The following RP1 variants were observed in gnomAD, a reference collection of about 807,000 sequenced individuals.
The protein encoded by RP1 is oxygen-regulated protein 1.
A neutral mutation model predicts 14.8 loss-of-function variants in RP1; 16 were observed. The ratio of observed to expected loss-of-function variants is 1.08; its 90% CI spans 0.73 to 1.65. The LOEUF is 1.65. RP1 is among the 40% of genes most tolerant of loss of function. The probability of loss-of-function intolerance (pLI) is 0.00; values close to 1 mark genes in which losing one functional copy is unlikely to be tolerated. For synonymous variants in RP1, 876 were observed against 883.6 expected (o/e 0.99, Z 0.15); for missense variants, 2,631 against 2,535.0 (o/e 1.04, Z -0.81).
intron 12 of RP1, chr8:54,696,493 G>C: frequency 1.1e-6 from 1 of 896,334 alleles, no homozygotes; most frequent in South Asian, 1.4e-5. Context: ...CCCAGGCAAA[G>C]CAGGCACTTT....
intron 28 of RP1, among the ~76,000 whole-genome samples, chr8:54,867,783 G>A (rs1200538526): frequency 1.3e-5 from 2 of 152,018 alleles, no homozygotes; most frequent in Non-Finnish European, 2.9e-5. Context: ...TTTAAATATT[G>A]TATCTGCACA....
intron 8 of RP1, among the ~76,000 whole-genome samples, chr8:54,677,310 A>G (rs952097846): frequency 8.5e-5 from 13 of 152,096 alleles, no homozygotes; most frequent in African/African-American, 2.2e-4. Flanking sequence ...ATGCAGATGC[A>G]TGCTAAGTTT....
chr8:54,687,721 T>C (rs1807602361), intron 12 of RP1, among the ~76,000 whole-genome samples: 1 of 152,168 alleles, frequency 6.6e-6, no homozygotes, highest in African/African-American at 2.4e-5. Flanking sequence ...TGATGGGCAT[T>C]TGTGTCGGTT....
Position 54,622,047 on chromosome 8 carries a change from G to C in RP1, c.616-70G>C, listed in dbSNP as rs1805894910. 11 of 1,517,144 alleles carry C rather than the reference G, an allele frequency of 7.3e-6. No individual in the cohort carries two copies. In the South Asian group the frequency reaches 1.3e-4, roughly 17 times the overall value. The allele number at this position is 1,517,144 out of a possible 1,614,324, so 94.0% of individuals were successfully genotyped here. On this transcript the variant is annotated intron_variant, in intron 2 of 3. Coordinates refer to ENST00000220676, the MANE Select transcript of RP1 (RefSeq NM_006269.2). ...CTAGGAGGTTGTTGATTTGATTCAA[G>C]CAAAGTTATAAAATTACCACTTAGT...
At chr8:54,604,023 C>T (rs1416280410) in intron 1 of RP1, among the ~76,000 whole-genome samples, 1 of 152,152 alleles carries the variant, frequency 6.6e-6, no homozygotes, top group African/African-American at 2.4e-5. Context: ...CTTGAACACC[C>T]TTTATTTCCT....
chr8:54,644,208 A>G (rs1041577107), intron 3 of RP1, among the ~76,000 whole-genome samples: 3 of 152,196 alleles, frequency 2.0e-5, no homozygotes, highest in African/African-American at 7.2e-5. Context: ...CTGAAAGGAA[A>G]AAAGGGGTCA....
intron 12 of RP1, among the ~76,000 whole-genome samples, chr8:54,691,176 G>C (rs935485608): frequency 2.0e-5 from 3 of 152,080 alleles, no homozygotes; most frequent in Non-Finnish European, 4.4e-5. Context: ...AGACCAGTCA[G>C]TAGGTTTTTG....
intron 19 of RP1, among the ~76,000 whole-genome samples, chr8:54,742,576 G>C (rs1006771908): frequency 2.0e-5 from 3 of 152,154 alleles, no homozygotes; most frequent in African/African-American, 7.2e-5. Flanking sequence ...TAGATGATAT[G>C]GAGGATTTGA....
chr8:54,754,835 C>G, exon 20 of RP1: 1 of 1,528,134 alleles, frequency 6.5e-7, no homozygotes, highest in Non-Finnish European at 8.7e-7. Flanking sequence ...GCAAGAAGAT[C>G]CTAGATTTTG....
intron 22 of RP1, among the ~76,000 whole-genome samples, chr8:54,768,159 C>G (rs760282145): frequency 6.6e-6 from 1 of 152,228 alleles, no homozygotes; most frequent in Non-Finnish European, 1.5e-5. Flanking sequence ...TCATTGGACT[C>G]TGTACCTTTG....
intron 19 of RP1, among the ~76,000 whole-genome samples, chr8:54,745,750 G>C (rs1809208425): frequency 6.6e-6 from 1 of 151,320 alleles, no homozygotes; most frequent in Non-Finnish European, 1.5e-5. Flanking sequence ...GTGAAAAAAT[G>C]GTTTTGGAAA....
At chr8:54,856,588 C>T (rs557260155) in intron 26 of RP1, among the ~76,000 whole-genome samples, 2 of 152,238 alleles carry the variant, frequency 1.3e-5, no homozygotes, top group Admixed American at 1.3e-4. Flanking sequence ...TGACCTGGGA[C>T]AAGTAGCTTA....
In RP1 at chr8:54,784,649, T is replaced by G. The variant is rs184840382; in HGVS notation, c.3615+939T>G. On this transcript the variant is annotated intron_variant, in intron 24 of 28. Coordinates refer to the RP1 transcript ENST00000637698. ...AACTATGGTGTAAAAGTATCTGATT[T>G]ACATAGCACATTGCCTCCAAAAACA... is the stretch of plus-strand genomic sequence containing the variant. Among the ~76,000 whole-genome samples the G allele has an allele frequency of 1.9e-4, 29 of 152,298 alleles. No homozygotes were observed. The East Asian group carries it at 4.8e-3, about 25-fold the overall frequency.
chr8:54,679,289 G>A, intron 9 of RP1: 1 of 756,094 alleles, frequency 1.3e-6, no homozygotes, highest in Non-Finnish European at 2.2e-6. Context: ...GTACTGCTCT[G>A]CCTTTGAGAG....
chr8:54,625,428 G>C lies in RP1; in HGVS notation c.1546G>C (p.Val516Leu), dbSNP rs1806009876. The C allele has an allele frequency of 6.2e-7, 1 of 1,613,814 alleles. No homozygotes were observed. Among genetic ancestry groups the C allele is most frequent in the African/African-American group, 1.3e-5 (1 of 74,904 alleles). ...AATGTCATCAGTATCTAACAAACCA[G>C]TACTTGTTCAGATCAATAACAATGA... Reference protein sequence around the residue: ...SKMSSVSNKPVLVQINNNDQM... With the variant: ...SKMSSVSNKPLLVQINNNDQM... The change falls in exon 4 of 4, where the codon GTA becomes CTA. Residue 516 changes from valine (V) to leucine (L), a missense_variant. Transcript: ENST00000220676.
intron 19 of RP1, among the ~76,000 whole-genome samples, chr8:54,746,632 A>G (rs577612090): frequency 3.3e-5 from 5 of 152,288 alleles, no homozygotes; most frequent in African/African-American, 7.2e-5. Flanking sequence ...GTTAAATAAA[A>G]CTAATAATTG....
chr8:54,602,001 G>T (rs1805303866), intron 1 of RP1, among the ~76,000 whole-genome samples: 1 of 152,106 alleles, frequency 6.6e-6, no homozygotes, highest in African/African-American at 2.4e-5. Context: ...TGTAATCTTG[G>T]AACAACTCTG....
chr8:54,812,758 CT>C (rs1563383799), intron 24 of RP1, among the ~76,000 whole-genome samples: 2 of 145,804 alleles, frequency 1.4e-5, no homozygotes, highest in African/African-American at 5.1e-5. Flanking sequence ...ATGTATCTAT[CT>C]ATCATCTATC....
At chr8:54,851,065 G>C (rs1158227247) in intron 25 of RP1, among the ~76,000 whole-genome samples, 1 of 152,170 alleles carries the variant, frequency 6.6e-6, no homozygotes, top group Admixed American at 6.5e-5. Flanking sequence ...GTGTGTGTGT[G>C]TGCGTGCATG....
Sources: allele counts gnomAD v4.1 joint callset (sites outside exome capture counted in the v4.1 genomes callset), GRCh38; gene constraint gnomAD v4.1.1; transcripts MANE v1.5; gene names NCBI Gene and HGNC (gene_info 2026-07-23, HGNC 2026-07-21).